The following WIPF2 variants were observed in gnomAD, a reference collection of about 807,000 sequenced individuals.
WIPF2 encodes the protein WAS/WASL interacting protein family member 2, also known as WAS/WASL-interacting protein family member 2.
WIPF2 carries 23 observed loss-of-function variants against 38.8 expected under a neutral mutation model. The observed-to-expected ratio is 0.59, with a 90% CI of 0.43 to 0.84. The LOEUF (loss-of-function observed/expected upper bound fraction) is 0.84. Among genes scored for constraint, WIPF2 ranks in the 40% least tolerant of loss-of-function variants. WIPF2 has a pLI of 0.00. For synonymous variants in WIPF2, 210 were observed against 223.2 expected (o/e 0.94, Z 0.53); for missense variants, 574 against 580.5 (o/e 0.99, Z 0.11).
intron 1 of WIPF2, among the ~76,000 whole-genome samples, chr17:40,238,690 G>A (rs2145312467): frequency 6.6e-6 from 1 of 151,874 alleles, no homozygotes; most frequent in East Asian, 1.9e-4. Flanking sequence ...TCGGCTCACT[G>A]CAAACCTCCG....
intron 1 of WIPF2, among the ~76,000 whole-genome samples, chr17:40,234,652 A>G (rs1216630669): frequency 1.3e-5 from 2 of 152,078 alleles, no homozygotes; most frequent in African/African-American, 2.4e-5. Context: ...CATTTTTGTT[A>G]TTTCAAAGAG....
At chr17:40,224,994 G>A (rs2030419289) in intron 1 of WIPF2, among the ~76,000 whole-genome samples, 1 of 151,980 alleles carries the variant, frequency 6.6e-6, no homozygotes, top group African/African-American at 2.4e-5. Flanking sequence ...GACTGACTGT[G>A]TCTTGAGGGA....
chr17:40,267,724 G>T (rs750865192), intron 5 of WIPF2, among the ~76,000 whole-genome samples: 2 of 152,146 alleles, frequency 1.3e-5, no homozygotes, highest in Non-Finnish European at 2.9e-5. Flanking sequence ...ATTTTTAGTA[G>T]AAACGGGTTT....
chr17:40,278,011 C>T (rs1157441425), intron 7 of WIPF2, among the ~76,000 whole-genome samples, 174 bp from the exon 8 acceptor site: 2 of 152,146 alleles, frequency 1.3e-5, no homozygotes, highest in East Asian at 3.9e-4. Flanking sequence ...CAGGCGTGAG[C>T]CACCTTGCCT....
chr17:40,264,321 C>T (rs1254671973), intron 4 of WIPF2, among the ~76,000 whole-genome samples, 169 bp from the exon 5 acceptor site: 3 of 100,602 alleles, frequency 3.0e-5, no homozygotes, highest in African/African-American at 1.3e-4. Flanking sequence ...AGCGAAACTT[C>T]GTCTCAAAAA....
At chr17:40,258,264 AG>A (rs1370298365) in intron 2 of WIPF2, among the ~76,000 whole-genome samples, 1 of 150,674 alleles carries the variant, frequency 6.6e-6, no homozygotes, top group East Asian at 1.9e-4. Context: ...TGGGTGTGGT[AG>A]TTGAGCGCCA....
At position 40,281,280 on chromosome 17, in the gene WIPF2, CTA is replaced by C. The variant is rs1192153368; in HGVS notation, c.*3056_*3057del. ...GGGTTTGGTTTTGTGATGTTTTTCC[CTA>C]ATGGGAAAAACGTTATAGTTGTTTC... On this transcript the variant is annotated 3_prime_UTR_variant, in exon 8 of 8. Coordinates refer to ENST00000323571, the MANE Select transcript of WIPF2 (RefSeq NM_133264.5). 3.9e-5 allele frequency: 6 copies of C among 152,144 alleles called. No individual in the cohort carries two copies. Among genetic ancestry groups the C allele is most frequent in the Non-Finnish European group, 1.5e-5 (1 of 67,976 alleles). The allele number at this position is 152,144 out of a possible 1,614,324, so 9.4% of individuals were successfully genotyped here.
At chr17:40,233,276 T>C (rs2030824132) in intron 1 of WIPF2, among the ~76,000 whole-genome samples, 1 of 152,192 alleles carries the variant, frequency 6.6e-6, no homozygotes, top group Non-Finnish European at 1.5e-5. Context: ...ATATGGTGAT[T>C]TTGCTTATAC....
intron 1 of WIPF2, among the ~76,000 whole-genome samples, chr17:40,224,909 C>G (rs1366588277): frequency 6.6e-6 from 1 of 151,910 alleles, no homozygotes; most frequent in African/African-American, 2.4e-5. Flanking sequence ...GATTGTTGAT[C>G]TCCTTCTCAA....
intron 1 of WIPF2, among the ~76,000 whole-genome samples, chr17:40,253,230 T>G (rs191853643): frequency 6.6e-6 from 1 of 151,964 alleles, no homozygotes; most frequent in East Asian, 1.9e-4. Context: ...ACCCAGCTAA[T>G]TTTTTGTATT....
intron 1 of WIPF2, among the ~76,000 whole-genome samples, chr17:40,243,822 G>A (rs932039731): frequency 1.3e-5 from 2 of 151,922 alleles, no homozygotes; most frequent in Admixed American, 6.6e-5. Flanking sequence ...CGCCCGGCCC[G>A]ATTTTTCAGT....
rs1170141075 is a variant in WIPF2, at chr17:40,278,850, T to TA, written c.*628dup. The TA allele has an allele frequency of 2.1e-5, 3 of 144,792 alleles. No homozygotes were observed. Among genetic ancestry groups the TA allele is most frequent in the Non-Finnish European group, 4.5e-5 (3 of 65,948 alleles). 9.0% of individuals were successfully genotyped at this position (144,792 alleles called of 1,614,324 possible). ...CCAGGGATAAATTGGATATAAACACTAAATACTAATCAGTTGAACTTAACA... is the reference window on the plus strand; with the variant it reads ...CCAGGGATAAATTGGATATAAACACTAAAATACTAATCAGTTGAACTTAACA... On this transcript the variant is annotated 3_prime_UTR_variant, in exon 8 of 8. Coordinates refer to ENST00000323571, the MANE Select transcript of WIPF2 (RefSeq NM_133264.5).
rs1053632759 is a variant in WIPF2, at chr17:40,274,172, C to T, written c.1180+173C>T. Among the ~76,000 whole-genome samples the T allele has an allele frequency of 3.3e-5, 5 of 152,118 alleles. 1 individual carries two copies. Among genetic ancestry groups the T allele is most frequent in the Non-Finnish European group, 7.3e-5 (5 of 68,038 alleles). On this transcript the variant is annotated intron_variant, in intron 6 of 7. Transcript: ENST00000323571. ...AGGTATGGGCTGTGTTCATTGACTT[C>T]CTTATCTTGATATGAATTCTAAGCA...
chr17:40,250,911 ATTCT>A, intron 1 of WIPF2, among the ~76,000 whole-genome samples: 1 of 111,248 alleles, frequency 9.0e-6, no homozygotes, highest in South Asian at 2.9e-4. Flanking sequence ...TAGCTATTAG[ATTCT>A]TTTTTTTTTT....
In WIPF2 at chr17:40,256,411, T is replaced by C. The variant is rs750037601; in HGVS notation, c.-49T>C. 1.3e-6 allele frequency: 2 copies of C among 1,586,526 alleles called. No homozygotes were observed. The highest frequency in any genetic ancestry group is 1.7e-6 in the Non-Finnish European group (2 of 1,171,314). On this transcript the variant is annotated 5_prime_UTR_variant, in exon 2 of 8. Coordinates refer to ENST00000323571, the MANE Select transcript of WIPF2 (RefSeq NM_133264.5). ...TGCAGGTATATGAATGACCTAAAGGTACAAATAAAGACGGAGAGAGAACAG... is the reference window on the plus strand; with the variant it reads ...TGCAGGTATATGAATGACCTAAAGGCACAAATAAAGACGGAGAGAGAACAG...
At chr17:40,257,185 GC>G (rs1293296689) in intron 2 of WIPF2, among the ~76,000 whole-genome samples, 1 of 151,916 alleles carries the variant, frequency 6.6e-6, no homozygotes, top group Non-Finnish European at 1.5e-5. Flanking sequence ...CACCATGTTG[GC>G]CAGGCTGGTC....
At chr17:40,220,583 A>ATATATATATATATATATATATATG (rs2030148457) in intron 1 of WIPF2, 2 of 60,278 alleles carry the variant, frequency 3.3e-5, no homozygotes, top group African/African-American at 1.5e-4. Context: ...GTATATATAT[A>ATATATATATATATATATATATATG]TATATATATA....
intron 1 of WIPF2, chr17:40,220,573 G>GTATATATA (rs762889347): frequency 3.9e-4 from 30 of 77,110 alleles, no homozygotes; most frequent in Non-Finnish European, 5.2e-4. Context: ...GTGTGTGTGT[G>GTATATATA]TATATATATA....
intron 6 of WIPF2, among the ~76,000 whole-genome samples, chr17:40,274,770 T>C (rs2032345271): frequency 6.7e-6 from 1 of 149,580 alleles, no homozygotes; most frequent in East Asian, 2.0e-4. Flanking sequence ...TGGTGGAACT[T>C]CATCTCTCTA....
Sources: gnomAD v4.1 joint callset for allele counts (sites outside exome capture counted in the v4.1 genomes callset) on GRCh38, gnomAD v4.1.1 for gene constraint, MANE v1.5 for transcripts, NCBI Gene and HGNC (gene_info 2026-07-23, HGNC 2026-07-21) for gene names.